Variants in GPM6B observed in about 807,000 individuals in gnomAD.
GPM6B encodes the protein neuronal membrane glycoprotein M6-b.
Under a neutral mutation model 27.2 loss-of-function variants are expected in GPM6B, and 4 were observed. The observed-to-expected ratio is 0.15, with a 90% confidence interval of 0.07 to 0.34. GPM6B has a LOEUF of 0.34. Ranked by LOEUF, GPM6B falls within the 10% of genes least tolerant of loss-of-function variation. The pLI, the probability that GPM6B is intolerant of heterozygous loss-of-function variation, is 1.00. For synonymous variants in GPM6B, 124 were observed against 103.1 expected (o/e 1.20, Z -1.23); for missense variants, 183 against 261.9 (o/e 0.70, Z 2.08).
intron 1 of GPM6B, among the ~76,000 whole-genome samples, chrX:13,916,592 T>C (rs985596918): frequency 2.7e-5 from 3 of 110,533 alleles, no homozygotes; most frequent in African/African-American, 6.6e-5. Flanking sequence ...CGCCAAGCTA[T>C]TGGATGGAAA....
chrX:13,823,529 T>C (rs1322668003), intron 1 of GPM6B, among the ~76,000 whole-genome samples: 5 of 108,829 alleles, frequency 4.6e-5, no homozygotes, highest in Non-Finnish European at 7.7e-5. Flanking sequence ...GGTTTTTTTT[T>C]TTTTTTTTTT....
In GPM6B at chrX:13,801,844, G is replaced by A. The variant is rs17311070; in HGVS notation, c.181+5806C>T. Among the ~76,000 whole-genome samples, 1,139 of 111,736 alleles carry A rather than the reference G, an allele frequency of 0.01. 17 individuals carry two copies. In the East Asian group the frequency reaches 0.1, roughly 10 times the overall value. On this transcript the variant is annotated intron_variant, in intron 2 of 7. Coordinates refer to ENST00000316715, the MANE Select transcript of GPM6B (RefSeq NM_001001995.3). ...AAAGCATTGTTCATGGAAGTCTCCA[G>A]AAAATACAAGCATGATGATCTTCAG...
intron 1 of GPM6B, among the ~76,000 whole-genome samples, chrX:13,879,132 A>C (rs1398112660): frequency 8.9e-6 from 1 of 112,470 alleles, no homozygotes; most frequent in Admixed American, 9.4e-5. Flanking sequence ...ACAGCCCCAC[A>C]GTAGAACATC....
chrX:13,835,467 G>T (rs1360032959), intron 1 of GPM6B, among the ~76,000 whole-genome samples: 1 of 111,418 alleles, frequency 9.0e-6, no homozygotes, highest in East Asian at 2.8e-4. Flanking sequence ...TCAGTTTTTT[G>T]GGGGGTGTCC....
intron 1 of GPM6B, among the ~76,000 whole-genome samples, chrX:13,886,219 G>T (rs1033664281): frequency 1.3e-4 from 14 of 111,670 alleles, no homozygotes; most frequent in Non-Finnish European, 1.5e-4. Context: ...CTAAGCTAAT[G>T]AATCAGAAAG....
chrX:13,880,769 C>T (rs2050089358), intron 1 of GPM6B, among the ~76,000 whole-genome samples: 1 of 109,762 alleles, frequency 9.1e-6, no homozygotes, highest in South Asian at 4.1e-4. Flanking sequence ...CTTTATCAAG[C>T]TCTGCAAGGC....
intron 1 of GPM6B, among the ~76,000 whole-genome samples, chrX:13,844,019 T>A (rs895880485): frequency 8.9e-6 from 1 of 112,185 alleles, no homozygotes; most frequent in Admixed American, 9.4e-5. Flanking sequence ...CTTCTAACAG[T>A]TTTATAATTT....
chrX:13,924,110 A>C (rs1921054802), intron 1 of GPM6B, among the ~76,000 whole-genome samples: 2 of 111,479 alleles, frequency 1.8e-5, no homozygotes, highest in African/African-American at 6.5e-5. Context: ...AAACTGTTAC[A>C]CGTCATCACT....
intron 1 of GPM6B, among the ~76,000 whole-genome samples, chrX:13,831,988 G>A (rs1474323905): frequency 8.9e-6 from 1 of 111,796 alleles, no homozygotes. Flanking sequence ...ACAGAAATCT[G>A]ATAGAGAGTT....
intron 1 of GPM6B, among the ~76,000 whole-genome samples, chrX:13,859,160 T>C (rs2049814913): frequency 8.9e-6 from 1 of 112,427 alleles, no homozygotes; most frequent in African/African-American, 3.2e-5. Context: ...AGTAATCATA[T>C]GCAGTTTTGT....
At chrX:13,872,464 C>A (rs1409285137) in intron 1 of GPM6B, among the ~76,000 whole-genome samples, 3 of 111,122 alleles carry the variant, frequency 2.7e-5, no homozygotes, top group African/African-American at 9.8e-5. Context: ...GCCACCATGC[C>A]AAGCCTACAT....
intron 1 of GPM6B, among the ~76,000 whole-genome samples, chrX:13,838,560 C>T (rs1040716252): frequency 8.9e-6 from 1 of 111,789 alleles, no homozygotes; most frequent in Non-Finnish European, 1.9e-5. Context: ...AATTATCACT[C>T]ATTGGTTTCT....
intron 1 of GPM6B, among the ~76,000 whole-genome samples, chrX:13,903,647 A>G (rs887188759): frequency 8.9e-6 from 1 of 112,224 alleles, no homozygotes; most frequent in Admixed American, 9.5e-5. Context: ...ATCCAACACC[A>G]ATGCGTTACT....
In GPM6B at chrX:13,857,785, G is replaced by A. The variant is rs1458897282; in HGVS notation, c.-197-71977C>T. On this transcript the variant is annotated intron_variant, in intron 1 of 6. Coordinates refer to the GPM6B transcript ENST00000398361. Reference sequence around the variant, plus strand: ...ATTTCTTGAGCACCAACTGTGCAGTGGCAAGTGCTAGGGTACAACAAGATA... The same window carrying A: ...ATTTCTTGAGCACCAACTGTGCAGTAGCAAGTGCTAGGGTACAACAAGATA... 2.7e-5 allele frequency among the ~76,000 whole-genome samples: 3 copies of A among 112,710 alleles called. No individual in the cohort carries two copies. In the Admixed American group the frequency reaches 2.8e-4, roughly 11 times the overall value.
intron 1 of GPM6B, among the ~76,000 whole-genome samples, chrX:13,891,980 G>A (rs991284844): frequency 4.5e-5 from 5 of 111,910 alleles, no homozygotes; most frequent in East Asian, 2.8e-4. Context: ...ATGCAGCCTT[G>A]TGAAAGTCCA....
At chrX:13,923,923 T>C (rs977792577) in intron 1 of GPM6B, among the ~76,000 whole-genome samples, 1 of 112,321 alleles carries the variant, frequency 8.9e-6, no homozygotes, top group Non-Finnish European at 1.9e-5. Flanking sequence ...TTGGTTTAAG[T>C]AAAAATATCT....
At chrX:13,861,005 TACAC>T (rs55808485) in intron 1 of GPM6B, among the ~76,000 whole-genome samples, 10,413 of 79,227 alleles carry the variant, frequency 0.13, 495 homozygotes, top group East Asian at 0.41. Flanking sequence ...TGAATGTGCA[TACAC>T]ACACACACAC....
At chrX:13,915,091 G>A (rs2050414868) in intron 1 of GPM6B, among the ~76,000 whole-genome samples, 1 of 48,901 alleles carries the variant, frequency 2.0e-5, no homozygotes, top group African/African-American at 7.7e-5. Context: ...AACATAGTGG[G>A]ACCCCATCTC....
chrX:13,867,237 G>C (rs1054040442), intron 1 of GPM6B, among the ~76,000 whole-genome samples: 1 of 110,955 alleles, frequency 9.0e-6, no homozygotes, highest in Non-Finnish European at 1.9e-5. Context: ...AGCCTCCCAA[G>C]CAGCTGGGGC....
Sources: gnomAD v4.1 joint callset for allele counts (sites outside exome capture counted in the v4.1 genomes callset) on GRCh38, gnomAD v4.1.1 for gene constraint, MANE v1.5 for transcripts, NCBI Gene and HGNC (gene_info 2026-07-23, HGNC 2026-07-21) for gene names.